The following DENND4A variants were observed in gnomAD, a reference collection of about 807,000 sequenced individuals.
DENND4A encodes DENN domain containing 4A.
In DENND4A, 70 loss-of-function variants were observed where a neutral mutation model predicts 199.3. That is an observed-to-expected ratio of 0.35 (90% CI 0.29 to 0.43). The LOEUF (loss-of-function observed/expected upper bound fraction) is 0.43. Ranked by LOEUF, DENND4A falls within the 20% of genes least tolerant of loss-of-function variation. The pLI, the probability that DENND4A is intolerant of heterozygous loss-of-function variation, is 1.00. For synonymous variants in DENND4A, 686 were observed against 766.9 expected, an observed-to-expected ratio of 0.89 and a Z score of 1.74; for missense variants, 1,723 against 2,255.8, an observed-to-expected ratio of 0.76 and a Z score of 4.78.
At position 65,660,186 on chromosome 15, in the gene DENND4A, A is replaced by G. The variant is rs576663266; in HGVS notation, c.*1665T>C. The G allele has an allele frequency of 4.9e-6, 4 of 821,836 alleles. No individual in the cohort carries two copies. Among genetic ancestry groups the G allele is most frequent in the South Asian group, 3.0e-5 (2 of 67,284 alleles). 50.9% of individuals were successfully genotyped at this position (821,836 alleles called of 1,614,324 possible). A position where few individuals can be genotyped will look rare whatever the true frequency, so the allele number is the denominator to read the frequency against. Reference sequence around the variant, plus strand: ...TGGTATTTACAAAGGAGAGGCAGATATATGTGCCTAGCACCAGATTTTTCA... The same window carrying G: ...TGGTATTTACAAAGGAGAGGCAGATGTATGTGCCTAGCACCAGATTTTTCA... On this transcript the variant is annotated 3_prime_UTR_variant, in exon 33 of 33. Coordinates refer to ENST00000443035, the MANE Select transcript of DENND4A (RefSeq NM_001320835.1).
At chr15:65,747,122 C>A (rs2076423832) in intron 4 of DENND4A, among the ~76,000 whole-genome samples, 1 of 149,674 alleles carries the variant, frequency 6.7e-6, no homozygotes, top group African/African-American at 2.5e-5. Context: ...AAAAAAAATA[C>A]TCTTAACGAG....
At chr15:65,726,665 C>G (rs1298464705) in intron 11 of DENND4A, among the ~76,000 whole-genome samples, 1 of 152,144 alleles carries the variant, frequency 6.6e-6, no homozygotes, top group Non-Finnish European at 1.5e-5. Context: ...GAGAACTAAT[C>G]TAAGGTTTCA....
chr15:65,749,428 A>G (rs2076502054), intron 4 of DENND4A, among the ~76,000 whole-genome samples: 1 of 152,222 alleles, frequency 6.6e-6, no homozygotes, highest in South Asian at 2.1e-4. Context: ...AACGGTGTAT[A>G]GCACAGAAGA....
At chr15:65,669,713 TG>T in intron 27 of DENND4A, 65 bp downstream of exon 27, 1 of 1,380,138 alleles carries the variant, frequency 7.2e-7, no homozygotes, top group Non-Finnish European at 9.8e-7. Flanking sequence ...CTAATTTTTC[TG>T]TCATACTTCT....
At chr15:65,670,761 T>C (rs2076191380) in intron 25 of DENND4A, among the ~76,000 whole-genome samples, 1 of 152,222 alleles carries the variant, frequency 6.6e-6, no homozygotes, top group Non-Finnish European at 1.5e-5. Context: ...AGCATTGCTA[T>C]AGATAACTAT....
chr15:65,780,841 G>A (rs952265137), intron 1 of DENND4A, among the ~76,000 whole-genome samples: 2 of 152,164 alleles, frequency 1.3e-5, no homozygotes, highest in African/African-American at 4.8e-5. Flanking sequence ...GCAAAGTCAC[G>A]TTTCAATCCC....
chr15:65,684,586 G>GT (rs1311106997), intron 23 of DENND4A, among the ~76,000 whole-genome samples: 6 of 152,092 alleles, frequency 3.9e-5, no homozygotes, highest in Admixed American at 2.6e-4. Context: ...TGTGTGAGTT[G>GT]TTTGTATATT....
At chr15:65,672,747 G>C (rs2076253912) in intron 24 of DENND4A, among the ~76,000 whole-genome samples, 1 of 152,154 alleles carries the variant, frequency 6.6e-6, no homozygotes, top group African/African-American at 2.4e-5. Context: ...GGGAAGTTTT[G>C]TGGTCAAATC....
At chr15:65,682,095 G>A (rs994870707) in intron 23 of DENND4A, among the ~76,000 whole-genome samples, 1 of 152,158 alleles carries the variant, frequency 6.6e-6, no homozygotes, top group Admixed American at 6.5e-5. Context: ...TGGTAGATGA[G>A]CATTGGCTTA....
At chr15:65,727,163 C>T (rs1217699059) in intron 11 of DENND4A, among the ~76,000 whole-genome samples, 1 of 151,422 alleles carries the variant, frequency 6.6e-6, no homozygotes, top group Admixed American at 6.6e-5. Flanking sequence ...AAAAAATTAG[C>T]CAGGCATGAC....
intron 23 of DENND4A, among the ~76,000 whole-genome samples, chr15:65,682,607 T>G (rs1213090677): frequency 1.3e-5 from 2 of 152,238 alleles, no homozygotes; most frequent in East Asian, 3.8e-4. Context: ...ATGTCACTTT[T>G]AATTTCCTTC....
In DENND4A at chr15:65,691,209, G is replaced by A; in HGVS notation, c.3385C>T (p.Pro1129Ser). 6.2e-7 allele frequency: 1 copy of A among 1,613,286 alleles called. No homozygotes were observed. The highest frequency in any genetic ancestry group is 1.1e-5 in the South Asian group (1 of 91,036). Residue 1129 changes from proline (P) to serine (S), a missense_variant, in exon 23 of 33, where the codon CCA becomes TCA. This residue lies in a region of DENND4A where 650 missense variants were observed against 738.1 expected (regional missense o/e 0.88). Coordinates refer to ENST00000443035, the MANE Select transcript of DENND4A (RefSeq NM_001320835.1). ...CTGTCTCTTTTTGATCTTAAAGGTG[G>A]CTTCCCAATATCAAGAGTATTTGGT... ...TRPNTLDIGK[P>S]PLRSKRDSLE... is the part of the protein sequence containing the mutation.
At chr15:65,667,274 G>A (rs1384095145) in intron 29 of DENND4A, among the ~76,000 whole-genome samples, 175 bp downstream of exon 29, 1 of 152,252 alleles carries the variant, frequency 6.6e-6, no homozygotes, top group African/African-American at 2.4e-5. Flanking sequence ...AGGCTGCAGT[G>A]AGCCGAGATA....
At chr15:65,751,917 A>C (rs79247918) in intron 4 of DENND4A, among the ~76,000 whole-genome samples, 5,689 of 152,212 alleles carry the variant, frequency 0.037, 374 homozygotes, top group African/African-American at 0.13. Context: ...CAATGAAAGC[A>C]GAGGAATATG....
chr15:65,723,910 T>A (rs1315178757), intron 11 of DENND4A, among the ~76,000 whole-genome samples: 1 of 152,154 alleles, frequency 6.6e-6, no homozygotes, highest in Non-Finnish European at 1.5e-5. Context: ...GTATCTTTGT[T>A]TCTGGGACAG....
At position 65,660,416 on chromosome 15, in the gene DENND4A, T is replaced by C. The variant is rs2075816074; in HGVS notation, c.*1435A>G. On this transcript the variant is annotated 3_prime_UTR_variant, in exon 33 of 33. Transcript: ENST00000443035. ...CCAGTCCAAGTGTCGTGGACTCTAC[T>C]GGCTTTATACACCTAATTTGGGACT... 2 of 927,334 alleles carry C rather than the reference T, an allele frequency of 2.2e-6. No homozygotes were observed. 57.4% of individuals were successfully genotyped at this position (927,334 alleles called of 1,614,324 possible).
At position 65,725,354 on chromosome 15, in the gene DENND4A, G is replaced by T. The variant is rs193119182; in HGVS notation, c.1488-2406C>A. Among the ~76,000 whole-genome samples the T allele has an allele frequency of 1.4e-4, 21 of 152,274 alleles. No individual in the cohort carries two copies. In the East Asian group the frequency reaches 4.1e-3, roughly 29 times the overall value. On this transcript the variant is annotated intron_variant, in intron 11 of 32. Coordinates refer to ENST00000443035, the MANE Select transcript of DENND4A (RefSeq NM_001320835.1). ...TTTGATAAATCGCTTAAAAATCTAA[G>T]CTTTGGTTTCCTTGTCAGAAGGGTT...
At chr15:65,787,095 T>C (rs1276787859) in intron 1 of DENND4A, among the ~76,000 whole-genome samples, 1 of 152,162 alleles carries the variant, frequency 6.6e-6, no homozygotes, top group Non-Finnish European at 1.5e-5. Context: ...TATGTGGGTA[T>C]GTGGGTGTAT....
At chr15:65,697,157 A>G in intron 21 of DENND4A, 110 bp downstream of exon 21, 1 of 666,816 alleles carries the variant, frequency 1.5e-6, no homozygotes, top group Non-Finnish European at 2.5e-6. Context: ...GAAAAGAAAG[A>G]GTTATAATGG....
Sources: gnomAD v4.1 joint callset for allele counts (sites outside exome capture counted in the v4.1 genomes callset) on GRCh38, gnomAD v4.1.1 for gene constraint, gnomAD v4.1.1 regional missense constraint, MANE v1.5 for transcripts, NCBI Gene and HGNC (gene_info 2026-07-23, HGNC 2026-07-21) for gene names.